The following ADAMTS17 variants were observed in gnomAD, a reference collection of about 807,000 sequenced individuals.
The protein encoded by ADAMTS17 is A disintegrin and metalloproteinase with thrombospondin motifs 17.
A neutral mutation model predicts 141.5 loss-of-function variants in ADAMTS17; 113 were observed. That is an observed-to-expected ratio of 0.80 (90% CI 0.69 to 0.93). ADAMTS17 has a LOEUF of 0.93. ADAMTS17 is among the 40% of genes least tolerant of loss of function. The probability of loss-of-function intolerance (pLI) is 0.00; values close to 1 mark genes in which losing one functional copy is unlikely to be tolerated. For missense variants in ADAMTS17, 1,659 were observed against 1,517.9 expected (o/e 1.09, Z -1.54); for synonymous variants, 768 against 630.6 (o/e 1.22, Z -3.27).
At chr15:100,123,180 A>G (rs115017849) in intron 12 of ADAMTS17, among the ~76,000 whole-genome samples, 1,807 of 152,282 alleles carry the variant, frequency 0.012, 34 homozygotes, top group African/African-American at 0.041. Flanking sequence ...TGCAGCAGGG[A>G]CCAGATCCCC....
At chr15:100,163,038 G>A (rs28679659) in intron 8 of ADAMTS17, among the ~76,000 whole-genome samples, 2 of 142,088 alleles carry the variant, frequency 1.4e-5, no homozygotes, top group East Asian at 2.7e-4. Context: ...ATATATATGT[G>A]TATATATAAC....
At chr15:100,033,884 A>G (rs2246814) in intron 18 of ADAMTS17, among the ~76,000 whole-genome samples, 26,437 of 152,220 alleles carry the variant, frequency 0.17, 6,559 homozygotes, top group African/African-American at 0.55. Context: ...TCTAGAAGCC[A>G]GTGGTGCCAC....
At chr15:100,077,527 A>T (rs1387743349) in intron 15 of ADAMTS17, among the ~76,000 whole-genome samples, 1 of 151,916 alleles carries the variant, frequency 6.6e-6, no homozygotes, top group African/African-American at 2.4e-5. Context: ...CCACAAGATC[A>T]TCTCAATAGG....
Position 100,341,156 on chromosome 15 carries a change from C to G in ADAMTS17, c.333G>C (p.Glu111Asp), listed in dbSNP as rs1158433257. Residue 111 changes from glutamate to aspartate, a missense_variant, in exon 2 of 22, where the codon GAG becomes GAC. Coordinates refer to ENST00000268070, the MANE Select transcript of ADAMTS17 (RefSeq NM_139057.4). ...GGCCGCGGCGCCGGGCCGCGCCCGC[C>G]TCCTCCACCTCGAAGCCTCGGGACA... Reference protein sequence around the residue: ...RFLSRGFEVEEAGAARRRGRP... With the variant: ...RFLSRGFEVEDAGAARRRGRP... 4 of 1,458,078 alleles carry G rather than the reference C, an allele frequency of 2.7e-6. No individual in the cohort carries two copies. Among genetic ancestry groups the G allele is most frequent in the Admixed American group, 5.0e-5 (2 of 40,108 alleles). The allele number at this position is 1,458,078 out of a possible 1,614,324, so 90.3% of individuals were successfully genotyped here.
At position 100,300,113 on chromosome 15, in the gene ADAMTS17, A is replaced by AG. The variant is rs1399497167; in HGVS notation, c.617-18713dup. On this transcript the variant is annotated intron_variant, in intron 3 of 21. Coordinates refer to ENST00000268070, the MANE Select transcript of ADAMTS17 (RefSeq NM_139057.4). ...CTTGGCCCTGTAGGGCTCTGGAGTC[A>AG]GGGTTTCTTCCAAATGTGTCAAATA... Among the ~76,000 whole-genome samples, 26 of 152,284 alleles carry AG rather than the reference A, an allele frequency of 1.7e-4. No individual in the cohort carries two copies. In the East Asian group the frequency reaches 5.0e-3, roughly 29 times the overall value.
chr15:100,021,309 GT>G (rs1309032623), intron 18 of ADAMTS17, among the ~76,000 whole-genome samples: 5 of 152,126 alleles, frequency 3.3e-5, no homozygotes, highest in African/African-American at 1.2e-4. Context: ...GACATGCAGG[GT>G]TAGGATCTGG....
chr15:100,251,674 G>A (rs2043159127), intron 7 of ADAMTS17, among the ~76,000 whole-genome samples: 1 of 152,224 alleles, frequency 6.6e-6, no homozygotes, highest in Admixed American at 6.5e-5. Flanking sequence ...GGAGGCAGAG[G>A]TTGCAGTGAG....
rs556966662 is a variant in ADAMTS17 at position 99,973,982 on chromosome 15, C to T, written c.*420G>A. The stretch of plus-strand genomic sequence containing the variant: ...CCTGCCCCTCCCTCCATGGTGTCGC[C>T]GGCTTTCAGAATAAAGCCTTTTCTA... On this transcript the variant is annotated 3_prime_UTR_variant, in exon 22 of 22. Transcript: ENST00000268070. The T allele has an allele frequency of 3.4e-3, 598 of 177,980 alleles. 3 individuals are homozygous for T. The highest frequency in any genetic ancestry group is 0.029 in the Admixed American group (323 of 11,044). 11.0% of individuals were successfully genotyped at this position (177,980 alleles called of 1,614,324 possible).
chr15:100,270,221 G>A (rs781274485), intron 4 of ADAMTS17, among the ~76,000 whole-genome samples: 3 of 152,268 alleles, frequency 2.0e-5, no homozygotes, highest in Admixed American at 6.5e-5. Flanking sequence ...TCAATAGGGT[G>A]TGGATGAGAA....
intron 8 of ADAMTS17, among the ~76,000 whole-genome samples, chr15:100,194,570 G>A (rs1364300401): frequency 6.6e-6 from 1 of 152,212 alleles, no homozygotes. Flanking sequence ...CGGGCAGTCA[G>A]CATAGAGCTG....
At chr15:100,247,664 A>G (rs1028557732) in intron 7 of ADAMTS17, among the ~76,000 whole-genome samples, 3 of 152,146 alleles carry the variant, frequency 2.0e-5, no homozygotes, top group African/African-American at 7.2e-5. Flanking sequence ...TGATGACATC[A>G]CAGGGTTCAC....
At chr15:100,178,699 T>C (rs981287905) in intron 8 of ADAMTS17, among the ~76,000 whole-genome samples, 3 of 152,208 alleles carry the variant, frequency 2.0e-5, no homozygotes, top group African/African-American at 7.2e-5. Flanking sequence ...ACCATTTTCT[T>C]TGGAGAGCTT....
chr15:100,249,489 A>G (rs2043086484), intron 7 of ADAMTS17, among the ~76,000 whole-genome samples: 1 of 152,202 alleles, frequency 6.6e-6, no homozygotes, highest in African/African-American at 2.4e-5. Context: ...GGGGAGGGGC[A>G]GACCACAGGA....
chr15:100,261,683 CAGAGTTTA>C, intron 5 of ADAMTS17, 47 bp from the exon 6 acceptor site: 1 of 1,586,990 alleles, frequency 6.3e-7, no homozygotes, highest in Non-Finnish European at 8.6e-7. Flanking sequence ...CCTGGGAGGC[CAGAGTTTA>C]TTTCCAGACT....
chr15:99,987,612 G>A (rs1815687341), intron 20 of ADAMTS17, among the ~76,000 whole-genome samples: 1 of 152,090 alleles, frequency 6.6e-6, no homozygotes, highest in Admixed American at 6.6e-5. Flanking sequence ...AAACCATACG[G>A]CAAACGTAAA....
chr15:100,285,902 CT>C (rs1353326590), intron 3 of ADAMTS17, among the ~76,000 whole-genome samples: 1 of 152,198 alleles, frequency 6.6e-6, no homozygotes, highest in Non-Finnish European at 1.5e-5. Context: ...CCAGGGTGGT[CT>C]TGCCCATAGG....
intron 13 of ADAMTS17, 102 bp downstream of exon 13, chr15:100,116,745 G>T: frequency 6.5e-7 from 1 of 1,530,452 alleles, no homozygotes; most frequent in Non-Finnish European, 9.0e-7. Flanking sequence ...GTCTTGCTGG[G>T]TTGGTTTGGG....
Position 99,976,068 on chromosome 15 carries a change from T to C in ADAMTS17, c.3104A>G (p.Asn1035Ser). Residue 1035 changes from asparagine (N) to serine (S), a missense_variant, in exon 21 of 22, where the codon AAC becomes AGC. Asn to Ser is a conservative substitution (Grantham distance 46). Coordinates refer to ENST00000268070, the MANE Select transcript of ADAMTS17 (RefSeq NM_139057.4). ...ACCAAGGCGGGGGGAGGTGATGGTG[T>C]TGGCGTTGATCCTGTCGTTGCAGAC... ...QEVCNDRINA[N>S]TITSPRLAAL... 6.4e-7 allele frequency: 1 copy of C among 1,551,370 alleles called. No homozygotes were observed. Among genetic ancestry groups the C allele is most frequent in the Admixed American group, 2.0e-5 (1 of 50,974 alleles).
At chr15:100,224,200 T>C (rs115833374) in intron 7 of ADAMTS17, among the ~76,000 whole-genome samples, 2,558 of 152,230 alleles carry the variant, frequency 0.017, 68 homozygotes, top group African/African-American at 0.058. Flanking sequence ...AAGTTGACAC[T>C]CGGTATTAAC....
Sources: gnomAD v4.1 joint callset for allele counts (sites outside exome capture counted in the v4.1 genomes callset) on GRCh38, gnomAD v4.1.1 for gene constraint, MANE v1.5 for transcripts, NCBI Gene and HGNC (gene_info 2026-07-23, HGNC 2026-07-21) for gene names.